Variants in NR3C2 observed in about 807,000 individuals in gnomAD.
NR3C2 encodes the protein mineralocorticoid receptor.
NR3C2 carries 15 observed loss-of-function variants against 86.4 expected under a neutral mutation model. The observed-to-expected ratio is 0.17, with a 90% CI of 0.12 to 0.27. NR3C2 has a LOEUF of 0.27. Ranked by LOEUF, NR3C2 falls within the 10% of genes least tolerant of loss-of-function variation. The pLI is 1.00. For missense variants in NR3C2, 960 were observed against 1,195.6 expected (o/e 0.80, Z 2.91); for synonymous variants, 458 against 450.5 (o/e 1.02, Z -0.21).
At chr4:148,180,950 T>G (rs1409605312) in intron 4 of NR3C2, among the ~76,000 whole-genome samples, 1 of 152,164 alleles carries the variant, frequency 6.6e-6, no homozygotes, top group African/African-American at 2.4e-5. Flanking sequence ...TTGCCTTCTC[T>G]CCAACCCTCA....
At chr4:148,444,059 C>T (rs1233359906), upstream of NR3C2, 4 of 985,284 alleles carry the variant, frequency 4.1e-6, no homozygotes, top group Non-Finnish European at 2.4e-6. Flanking sequence ...CGGGGCCCAC[C>T]GTCACGCGCA....
In NR3C2 at chr4:148,080,690, A is replaced by G. The variant is rs1477619145; in HGVS notation, c.*654T>C. ...TATTTGTAAAGCCAACACAATAGAT[A>G]CTAGAAATCAAACCAAGGCATTTAA... On this transcript the variant is annotated 3_prime_UTR_variant, in exon 9 of 9. Transcript: ENST00000358102. The G allele has an allele frequency of 1.1e-5, 3 of 266,472 alleles. No individual in the cohort carries two copies. Among genetic ancestry groups the G allele is most frequent in the African/African-American group, 6.6e-5 (3 of 45,632 alleles). 16.5% of individuals were successfully genotyped at this position (266,472 alleles called of 1,614,324 possible).
At chr4:148,312,995 A>G (rs1742977570) in intron 2 of NR3C2, among the ~76,000 whole-genome samples, 1 of 152,188 alleles carries the variant, frequency 6.6e-6, no homozygotes, top group African/African-American at 2.4e-5. Context: ...ACTCACAACA[A>G]ATAAAATTAA....
At position 148,291,722 on chromosome 4, in the gene NR3C2, T is replaced by C. The variant is rs1191564360; in HGVS notation, c.1758-31605A>G. Among the ~76,000 whole-genome samples the C allele has an allele frequency of 5.3e-5, 8 of 152,238 alleles. No individual in the cohort carries two copies. In the East Asian group the frequency reaches 1.5e-3, roughly 29 times the overall value. On this transcript the variant is annotated intron_variant, in intron 2 of 8. Transcript: ENST00000358102. ...ACAGAAGCATTTCCATTCTCAACTT[T>C]ACTCTCTTTTATTTCTACTAATGTA...
chr4:148,366,396 C>T (rs1361918829), intron 2 of NR3C2, among the ~76,000 whole-genome samples: 1 of 1,032 alleles, frequency 9.7e-4, no homozygotes, highest in Non-Finnish European at 1.6e-3. Context: ...TGTCAGGAGA[C>T]TTCAAAGCAA....
chr4:148,091,420 A>G (rs77991905), intron 8 of NR3C2, among the ~76,000 whole-genome samples: 5,457 of 152,330 alleles, frequency 0.036, 315 homozygotes, highest in African/African-American at 0.12. Flanking sequence ...GGGAGGCGCC[A>G]CAGTGCAGAG....
chr4:148,100,874 AT>A (rs35201774), intron 8 of NR3C2, among the ~76,000 whole-genome samples: 34,796 of 152,176 alleles, frequency 0.23, 4,602 homozygotes, highest in East Asian at 0.59. Flanking sequence ...ATGAAATATT[AT>A]TCAGCCTTAT....
chr4:148,306,336 T>TTGTGTCTC (rs1561030976), intron 2 of NR3C2, among the ~76,000 whole-genome samples: 2 of 152,200 alleles, frequency 1.3e-5, no homozygotes, highest in African/African-American at 4.8e-5. Context: ...AGAGACACTG[T>TTGTGTCTC]TGTGTTCATT....
intron 8 of NR3C2, among the ~76,000 whole-genome samples, chr4:148,093,813 A>G (rs1423901687): frequency 1.3e-5 from 2 of 152,228 alleles, no homozygotes; most frequent in Non-Finnish European, 1.5e-5. Context: ...TGGCACCAAA[A>G]ACATAGGCAA....
chr4:148,141,636 G>T (rs1294015091), intron 6 of NR3C2, among the ~76,000 whole-genome samples: 2 of 152,188 alleles, frequency 1.3e-5, no homozygotes, highest in African/African-American at 4.8e-5. Flanking sequence ...GCCACAGACT[G>T]TATTACAGTC....
At chr4:148,125,802 AAAGAG>A (rs1277572786) in intron 6 of NR3C2, among the ~76,000 whole-genome samples, 2 of 152,252 alleles carry the variant, frequency 1.3e-5, no homozygotes, top group African/African-American at 2.4e-5. Flanking sequence ...GGAAAAAAGA[AAAGAG>A]AACAGTTAAA....
intron 2 of NR3C2, among the ~76,000 whole-genome samples, chr4:148,400,520 C>T (rs1748096979): frequency 6.6e-6 from 1 of 152,002 alleles, no homozygotes; most frequent in Non-Finnish European, 1.5e-5. Flanking sequence ...GTGGCTCACA[C>T]CTATAATCCC....
intron 2 of NR3C2, among the ~76,000 whole-genome samples, chr4:148,325,834 A>G (rs1743937447): frequency 6.6e-6 from 1 of 152,124 alleles, no homozygotes; most frequent in Non-Finnish European, 1.5e-5. Flanking sequence ...CTTACAGTAG[A>G]TGTTATCCAA....
At chr4:148,442,572 G>A (rs1750408168), upstream of NR3C2, 3 of 886,214 alleles carry the variant, frequency 3.4e-6, no homozygotes, top group South Asian at 1.0e-4. Flanking sequence ...CCGCCCCCCT[G>A]AACCCTTCCT....
chr4:148,222,072 A>T (rs1198165579), intron 3 of NR3C2, among the ~76,000 whole-genome samples: 1 of 152,132 alleles, frequency 6.6e-6, no homozygotes. Context: ...ATAAGCAATA[A>T]TTAAGTGTTA....
chr4:148,210,715 T>G (rs564869452), intron 3 of NR3C2, among the ~76,000 whole-genome samples: 3 of 152,320 alleles, frequency 2.0e-5, no homozygotes, highest in Admixed American at 1.3e-4. Flanking sequence ...TTCTGAGACA[T>G]AATAAGTGCA....
At chr4:148,142,119 T>C (rs987049198) in intron 6 of NR3C2, among the ~76,000 whole-genome samples, 3 of 152,172 alleles carry the variant, frequency 2.0e-5, no homozygotes, top group Admixed American at 6.5e-5. Context: ...GTGTGGAGTA[T>C]ATGCGGAGAA....
chr4:148,351,452 T>C (rs1745271246), intron 2 of NR3C2, among the ~76,000 whole-genome samples: 1 of 152,194 alleles, frequency 6.6e-6, no homozygotes, highest in African/African-American at 2.4e-5. Context: ...CTAATTTGTC[T>C]TTTCTAATAT....
chr4:148,153,755 C>T (rs957394670), intron 5 of NR3C2, among the ~76,000 whole-genome samples: 1 of 152,084 alleles, frequency 6.6e-6, no homozygotes, highest in Admixed American at 6.5e-5. Context: ...ATAGGAATTC[C>T]AGGGACAATT....
Sources: gnomAD v4.1 joint callset for allele counts (sites outside exome capture counted in the v4.1 genomes callset) on GRCh38, gnomAD v4.1.1 for gene constraint, MANE v1.5 for transcripts, NCBI Gene and HGNC (gene_info 2026-07-23, HGNC 2026-07-21) for gene names.